The following NHLRC2 variants were observed in gnomAD, a reference collection of about 807,000 sequenced individuals.
NHLRC2 encodes NHL repeat containing 2, also known as NHL repeat-containing protein 2.
A neutral mutation model predicts 68.1 loss-of-function variants in NHLRC2; 33 were observed. The observed-to-expected ratio is 0.48, with a 90% CI of 0.37 to 0.65. The LOEUF (loss-of-function observed/expected upper bound fraction) is 0.65. Ranked by LOEUF, NHLRC2 falls within the 30% of genes least tolerant of loss-of-function variation. NHLRC2 has a pLI of 0.00. For missense variants in NHLRC2, 761 were observed against 853.8 expected (o/e 0.89, Z 1.35); for synonymous variants, 311 against 309.6 (o/e 1.00, Z -0.05).
intron 3 of NHLRC2, 43 bp downstream of exon 3, chr10:113,877,019 T>TA (rs746069752): frequency 6.2e-5 from 73 of 1,169,808 alleles, no homozygotes; most frequent in South Asian, 2.5e-4. Flanking sequence ...TGTTTTACAG[T>TA]AAAAAAATAG....
At position 113,884,259 on chromosome 10, in the gene NHLRC2, A is replaced by T. The variant is rs767513040; in HGVS notation, c.918A>T (p.Leu306=). ...CCTTTGAATTTCTATAGATTGACCT[A>T]GAAGCTGAGAAGGTGAGCACTGTAG... ...TENHLIRKID[L]EAEKVSTVAG... is the part of the protein sequence containing the mutation. The change falls in exon 5 of 11, where the codon CTA becomes CTT. Residue 306 remains leucine, a synonymous_variant. Coordinates refer to ENST00000369301, the MANE Select transcript of NHLRC2 (RefSeq NM_198514.4). 2.1e-5 allele frequency: 34 copies of T among 1,608,770 alleles called. No individual in the cohort carries two copies. Among genetic ancestry groups the T allele is most frequent in the Non-Finnish European group, 2.5e-5 (29 of 1,176,470 alleles).
Position 113,915,337 on chromosome 10 carries a change from C to A in NHLRC2, c.*6801C>A. On this transcript the variant is annotated 3_prime_UTR_variant, in exon 11 of 11. Transcript: ENST00000369301. ...CACTAAATAGCCTTATACCAAAAAG[C>A]ATTCTTGTAACTGTCAGGGCATGGT... is the stretch of plus-strand genomic sequence containing the variant. The A allele has an allele frequency of 2.4e-6, 1 of 414,882 alleles. No individual in the cohort carries two copies. 25.7% of individuals were successfully genotyped at this position (414,882 alleles called of 1,614,324 possible).
At chr10:113,856,704 A>G (rs1480349854) in intron 1 of NHLRC2, among the ~76,000 whole-genome samples, 2 of 152,110 alleles carry the variant, frequency 1.3e-5, no homozygotes, top group East Asian at 3.8e-4. Flanking sequence ...AAAAACATAT[A>G]ATAAAATATT....
intron 2 of NHLRC2, among the ~76,000 whole-genome samples, chr10:113,875,133 G>T (rs1175058387): frequency 1.3e-5 from 2 of 151,670 alleles, no homozygotes; most frequent in South Asian, 2.1e-4. Flanking sequence ...TATCCTGGAC[G>T]TTGGAATGTG....
rs1846392093 is a variant in NHLRC2 at position 113,916,921 on chromosome 10, T to G, written c.*8385T>G. On this transcript the variant is annotated 3_prime_UTR_variant, in exon 11 of 11. Coordinates refer to ENST00000369301, the MANE Select transcript of NHLRC2 (RefSeq NM_198514.4). ...TGTACTTGGTGTGCATTTTTAAGTGTTTCATGTAGACAGATTAATATATTT... is the reference window on the plus strand; with the variant it reads ...TGTACTTGGTGTGCATTTTTAAGTGGTTCATGTAGACAGATTAATATATTT... 1.3e-5 allele frequency: 2 copies of G among 152,230 alleles called. No homozygotes were observed. Among genetic ancestry groups the G allele is most frequent in the South Asian group, 4.1e-4 (2 of 4,838 alleles). 9.4% of individuals were successfully genotyped at this position (152,230 alleles called of 1,614,324 possible).
chr10:113,858,782 T>G, intron 2 of NHLRC2, 102 bp downstream of exon 2: 3 of 730,300 alleles, frequency 4.1e-6, no homozygotes, highest in Non-Finnish European at 6.8e-6. Flanking sequence ...TGGCAAGGCT[T>G]CAGGGATTCT....
chr10:113,881,330 A>G (rs185151040), intron 4 of NHLRC2, among the ~76,000 whole-genome samples: 1 of 151,854 alleles, frequency 6.6e-6, no homozygotes, highest in Non-Finnish European at 1.5e-5. Flanking sequence ...GTATAATCAC[A>G]ACAAATTTAG....
rs1274925851 is a variant in NHLRC2 at position 113,916,318 on chromosome 10, C to T, written c.*7782C>T. ...TCCTCTCCACAGCTTAGGCCTCCCT[C>T]TTACTAAAAACAATAGTAGTTTCTG... On this transcript the variant is annotated 3_prime_UTR_variant, in exon 11 of 11. Coordinates refer to ENST00000369301, the MANE Select transcript of NHLRC2 (RefSeq NM_198514.4). The T allele has an allele frequency of 1.3e-5, 2 of 152,224 alleles. No homozygotes were observed. The highest frequency in any genetic ancestry group is 2.4e-5 in the African/African-American group (1 of 41,452). The allele number at this position is 152,224 out of a possible 1,614,324, so 9.4% of individuals were successfully genotyped here.
intron 4 of NHLRC2, among the ~76,000 whole-genome samples, chr10:113,882,250 T>A (rs562928765): frequency 1.3e-5 from 2 of 151,980 alleles, no homozygotes; most frequent in African/African-American, 4.8e-5. Context: ...TTATATGTTT[T>A]ATGTTTAATT....
intron 4 of NHLRC2, among the ~76,000 whole-genome samples, chr10:113,881,707 T>A (rs991141242): frequency 4.0e-5 from 6 of 151,848 alleles, no homozygotes; most frequent in African/African-American, 1.4e-4. Flanking sequence ...TTTATTGTGC[T>A]ATATTTTATG....
intron 2 of NHLRC2, among the ~76,000 whole-genome samples, chr10:113,871,861 A>G (rs1323273658): frequency 2.0e-5 from 3 of 152,194 alleles, no homozygotes; most frequent in African/African-American, 2.4e-5. Flanking sequence ...AGAGAATATC[A>G]TGGCCTTGAC....
At position 113,884,161 on chromosome 10, in the gene NHLRC2, G is replaced by T. The variant is rs1846060008; in HGVS notation, c.910-90G>T. ...TTTGTACTGCACATACACTCTAAAT[G>T]TTCTATTGACTATTGAAAATCTTTA... On this transcript the variant is annotated intron_variant, in intron 4 of 10. Transcript: ENST00000369301. 7.5e-6 allele frequency: 9 copies of T among 1,197,848 alleles called. No homozygotes were observed. The Admixed American group carries it at 1.9e-4, about 25-fold the overall frequency. The allele number at this position is 1,197,848 out of a possible 1,614,324, so 74.2% of individuals were successfully genotyped here.
rs762900102 is a variant in NHLRC2, at chr10:113,865,281, T to TCC, written c.331+6611_331+6612dup. Among the ~76,000 whole-genome samples, 585 of 109,252 alleles carry TCC rather than the reference T, an allele frequency of 5.4e-3. 18 individuals are homozygous for TCC. Among genetic ancestry groups the TCC allele is most frequent in the African/African-American group, 0.019 (545 of 28,382 alleles). 71.7% of individuals were successfully genotyped at this position (109,252 alleles called of 152,430 possible). ...AGAGGTTTTTAAAAATCGCTTTTCA[T>TCC]CCCCCCCCCCCGTTCCTCTCACCAT... On this transcript the variant is annotated intron_variant, in intron 2 of 10. Transcript: ENST00000369301.
At chr10:113,855,160 G>T (rs773090695) in intron 1 of NHLRC2, 110 bp downstream of exon 1, 10 of 956,660 alleles carry the variant, frequency 1.0e-5, no homozygotes, top group Non-Finnish European at 1.4e-5. Flanking sequence ...CTGGCGCCCC[G>T]GGGAGTGGCC....
intron 9 of NHLRC2, among the ~76,000 whole-genome samples, chr10:113,904,406 C>T (rs549814994): frequency 6.6e-5 from 10 of 152,136 alleles, no homozygotes; most frequent in Non-Finnish European, 4.4e-5. Context: ...TTAAAAGAAA[C>T]ATAGATTACT....
At position 113,914,980 on chromosome 10, in the gene NHLRC2, A is replaced by G. The variant is rs1435023818; in HGVS notation, c.*6444A>G. On this transcript the variant is annotated 3_prime_UTR_variant, in exon 11 of 11. Coordinates refer to ENST00000369301, the MANE Select transcript of NHLRC2 (RefSeq NM_198514.4). ...AGGCTTGCAGAAGGCTGCCCCAATC[A>G]CAGAGCCTGGGTAAGGTGGAACAGG... 1 of 456,238 alleles carries G rather than the reference A, an allele frequency of 2.2e-6. No homozygotes were observed. The highest frequency in any genetic ancestry group is 2.0e-5 in the African/African-American group (1 of 50,190). 28.3% of individuals were successfully genotyped at this position (456,238 alleles called of 1,614,324 possible).
rs867111838 is a variant in NHLRC2 at position 113,866,650 on chromosome 10, A to G, written c.331+7970A>G. Among the ~76,000 whole-genome samples the G allele has an allele frequency of 4.6e-5, 7 of 152,170 alleles. No homozygotes were observed. In the South Asian group the frequency reaches 1.2e-3, roughly 27 times the overall value. ...ACTTTATTAAAAATTAGAAGAATGCACTTTTAATTTTATAGTAAAATAAGC... is the reference window on the plus strand; with the variant it reads ...ACTTTATTAAAAATTAGAAGAATGCGCTTTTAATTTTATAGTAAAATAAGC... On this transcript the variant is annotated intron_variant, in intron 2 of 10. Coordinates refer to ENST00000369301, the MANE Select transcript of NHLRC2 (RefSeq NM_198514.4).
At position 113,913,671 on chromosome 10, in the gene NHLRC2, T is replaced by C. The variant is rs1322927147; in HGVS notation, c.*5135T>C. ...TTTAAGAAAATTTTGTTGTATTAAA[T>C]ATTAGTCCAAGTGAGCTCTGGAAAT... On this transcript the variant is annotated 3_prime_UTR_variant, in exon 11 of 11. Coordinates refer to ENST00000369301, the MANE Select transcript of NHLRC2 (RefSeq NM_198514.4). 1 of 152,142 alleles carries C rather than the reference T, an allele frequency of 6.6e-6. No individual in the cohort carries two copies. The highest frequency in any genetic ancestry group is 6.5e-5 in the Admixed American group (1 of 15,278). The allele number at this position is 152,142 out of a possible 1,614,324, so 9.4% of individuals were successfully genotyped here.
chr10:113,890,006 G>T (rs1369424361), intron 5 of NHLRC2, among the ~76,000 whole-genome samples: 1 of 152,200 alleles, frequency 6.6e-6, no homozygotes, highest in Non-Finnish European at 1.5e-5. Flanking sequence ...TTTGTGCACA[G>T]TTTTTGTTTT....
Sources: allele counts gnomAD v4.1 joint callset (sites outside exome capture counted in the v4.1 genomes callset), GRCh38; gene constraint gnomAD v4.1.1; transcripts MANE v1.5; gene names NCBI Gene and HGNC (gene_info 2026-07-23, HGNC 2026-07-21).